TAFA4: variants seen among roughly 807,000 people sequenced by gnomAD.
TAFA4 encodes TAFA chemokine like family member 4, also known as chemokine-like protein TAFA-4.
In TAFA4, 20 loss-of-function variants were observed where a neutral mutation model predicts 21.1. The ratio of observed to expected loss-of-function variants is 0.95; its 90% CI spans 0.67 to 1.38. The LOEUF (loss-of-function observed/expected upper bound fraction) is 1.38, where lower values mean the gene tolerates loss of function less well. Among genes scored for constraint, TAFA4 ranks in the 40% most tolerant of loss-of-function variants. The pLI is 0.00. For missense variants in TAFA4, 211 were observed against 180.9 expected (o/e 1.17, Z -0.95); for synonymous variants, 71 against 67.4 (o/e 1.05, Z -0.26).
chr3:68,893,327 T>C (rs572799017), intron 1 of TAFA4, among the ~76,000 whole-genome samples: 1 of 152,320 alleles, frequency 6.6e-6, no homozygotes, highest in South Asian at 2.1e-4. Flanking sequence ...ATCATTACTA[T>C]GGGCAAGTGG....
chr3:68,807,844 T>G (rs2106838370), intron 3 of TAFA4, among the ~76,000 whole-genome samples: 1 of 127,502 alleles, frequency 7.8e-6, no homozygotes, highest in African/African-American at 3.2e-5. Flanking sequence ...TTTGAAGCTG[T>G]GTCATTCACA....
At chr3:68,905,010 T>C (rs1370704163) in intron 1 of TAFA4, among the ~76,000 whole-genome samples, 1 of 152,066 alleles carries the variant, frequency 6.6e-6, no homozygotes, top group African/African-American at 2.4e-5. Flanking sequence ...ATGTAAGCTT[T>C]TTTTCCTCTA....
intron 3 of TAFA4, among the ~76,000 whole-genome samples, chr3:68,821,039 A>T (rs1423257932): frequency 6.6e-6 from 1 of 152,242 alleles, no homozygotes; most frequent in Non-Finnish European, 1.5e-5. Context: ...ATGGAAATGC[A>T]TTCTGTAAAT....
chr3:68,741,827 T>C (rs1702360950), intron 4 of TAFA4, among the ~76,000 whole-genome samples: 1 of 152,020 alleles, frequency 6.6e-6, no homozygotes, highest in South Asian at 2.1e-4. Flanking sequence ...AACTCTCCAC[T>C]TTCTCTTCCA....
chr3:68,751,753 G>C (rs78592903), intron 4 of TAFA4, among the ~76,000 whole-genome samples: 14,370 of 152,164 alleles, frequency 0.094, 867 homozygotes, highest in East Asian at 0.17. Context: ...TTTCACTGCA[G>C]ATATAGTAAT....
chr3:68,929,876 C>A (rs2090143597), intron 1 of TAFA4, among the ~76,000 whole-genome samples: 1 of 152,188 alleles, frequency 6.6e-6, no homozygotes, highest in Non-Finnish European at 1.5e-5. Flanking sequence ...AATATAGAAT[C>A]ACTTGCTCAA....
At chr3:68,788,716 A>G (rs938497011) in intron 3 of TAFA4, among the ~76,000 whole-genome samples, 6 of 152,288 alleles carry the variant, frequency 3.9e-5, no homozygotes, top group African/African-American at 1.4e-4. Flanking sequence ...GGCTCAAGCC[A>G]TGTTCCTAGT....
chr3:68,890,179 G>C (rs186809451), intron 1 of TAFA4, among the ~76,000 whole-genome samples: 467 of 152,262 alleles, frequency 3.1e-3, no homozygotes, highest in Non-Finnish European at 4.4e-3. Flanking sequence ...AAGAAAGAGA[G>C]ACAGAAGAGC....
Position 68,807,085 on chromosome 3 carries a change from A to T in TAFA4, c.131-54067T>A, listed in dbSNP as rs574343707. On this transcript the variant is annotated intron_variant, in intron 3 of 5. Coordinates refer to ENST00000295569, the MANE Select transcript of TAFA4 (RefSeq NM_182522.5). ...GACATGTCCAGCATGAAGCATGCTA[A>T]CTCCTTTTCTCTGCAATCCTGCCCC... Among the ~76,000 whole-genome samples the T allele has an allele frequency of 2.5e-4, 38 of 152,276 alleles. No homozygotes were observed. In the South Asian group the frequency reaches 7.9e-3, roughly 32 times the overall value.
chr3:68,869,629 G>T (rs371778459), intron 3 of TAFA4, among the ~76,000 whole-genome samples: 49 of 152,156 alleles, frequency 3.2e-4, no homozygotes, highest in Middle Eastern at 6.8e-3. Context: ...CATTTCCACA[G>T]ATGTTTTAAA....
rs369724985 is a variant in TAFA4, at chr3:68,801,689, C to T, written c.131-48671G>A. ...AAGACCGAACAGTAAATATTTTAGG[C>T]TTTAGAGGCCAAACTGCAAAATCAA... On this transcript the variant is annotated intron_variant, in intron 3 of 5. Coordinates refer to ENST00000295569, the MANE Select transcript of TAFA4 (RefSeq NM_182522.5). Among the ~76,000 whole-genome samples, 24 of 152,226 alleles carry T rather than the reference C, an allele frequency of 1.6e-4. No homozygotes were observed. The East Asian group carries it at 4.4e-3, about 28-fold the overall frequency.
intron 1 of TAFA4, among the ~76,000 whole-genome samples, chr3:68,928,296 A>C (rs983114246): frequency 6.6e-6 from 1 of 152,244 alleles, no homozygotes; most frequent in Non-Finnish European, 1.5e-5. Context: ...CTGAGTGTTC[A>C]ACAAATGTGG....
At chr3:68,787,040 A>G (rs747948160) in intron 3 of TAFA4, among the ~76,000 whole-genome samples, 2 of 152,232 alleles carry the variant, frequency 1.3e-5, no homozygotes, top group Non-Finnish European at 2.9e-5. Context: ...GTAATCCTAT[A>G]TAACATTTTT....
At chr3:68,928,778 T>C (rs966457610) in intron 1 of TAFA4, among the ~76,000 whole-genome samples, 3 of 152,062 alleles carry the variant, frequency 2.0e-5, no homozygotes, top group African/African-American at 7.2e-5. Flanking sequence ...ACAGGAGTCA[T>C]TCTCTCCCAG....
At chr3:68,807,153 G>C (rs544668521) in intron 3 of TAFA4, among the ~76,000 whole-genome samples, 1 of 152,322 alleles carries the variant, frequency 6.6e-6, no homozygotes, top group South Asian at 2.1e-4. Context: ...TAATCCACAG[G>C]CTGGCTAGTG....
chr3:68,853,210 T>C (rs1704990712), intron 3 of TAFA4, among the ~76,000 whole-genome samples: 1 of 151,160 alleles, frequency 6.6e-6, no homozygotes, highest in Non-Finnish European at 1.5e-5. Context: ...ATTACTATTA[T>C]TATCTACTAT....
chr3:68,791,457 G>C (rs949537363), intron 3 of TAFA4, among the ~76,000 whole-genome samples: 1 of 152,160 alleles, frequency 6.6e-6, no homozygotes, highest in African/African-American at 2.4e-5. Flanking sequence ...AGGGAGCATA[G>C]CCCTGCCAAC....
chr3:68,764,300 AG>A (rs1702809105), intron 3 of TAFA4, among the ~76,000 whole-genome samples: 1 of 152,100 alleles, frequency 6.6e-6, no homozygotes, highest in South Asian at 2.1e-4. Context: ...CTAGGAAGAG[AG>A]CCCCCACCAG....
At chr3:68,784,069 T>C (rs1266330692) in intron 3 of TAFA4, among the ~76,000 whole-genome samples, 2 of 152,114 alleles carry the variant, frequency 1.3e-5, no homozygotes, top group Non-Finnish European at 2.9e-5. Context: ...ATCCAAAGGG[T>C]CACACGTTAA....
Sources: gnomAD v4.1 joint callset for allele counts (sites outside exome capture counted in the v4.1 genomes callset) on GRCh38, gnomAD v4.1.1 for gene constraint, MANE v1.5 for transcripts, NCBI Gene and HGNC (gene_info 2026-07-23, HGNC 2026-07-21) for gene names.